ITGA6: variants seen among roughly 807,000 people sequenced by gnomAD.
ITGA6 encodes the protein integrin alpha-6.
Under a neutral mutation model 133.6 loss-of-function variants are expected in ITGA6, and 63 were observed. The ratio of observed to expected loss-of-function variants is 0.47; its 90% CI spans 0.38 to 0.58. The LOEUF is 0.58. Among genes scored for constraint, ITGA6 ranks in the 20% least tolerant of loss-of-function variants. The probability of loss-of-function intolerance (pLI) is 0.00; values close to 1 mark genes in which losing one functional copy is unlikely to be tolerated. For missense variants in ITGA6, 1,068 were observed against 1,309.4 expected (o/e 0.82, Z 2.85); for synonymous variants, 434 against 482.0 (o/e 0.90, Z 1.30).
rs1032342712 is a variant in ITGA6 at position 172,427,656 on chromosome 2, G to A, written c.-133G>A. 7.6e-7 allele frequency: 1 copy of A among 1,313,800 alleles called. No homozygotes were observed. The highest frequency in any genetic ancestry group is 2.2e-5 in the South Asian group (1 of 45,116). The allele number at this position is 1,313,800 out of a possible 1,614,324, so 81.4% of individuals were successfully genotyped here. ...CCGGACGGAGAGCGCGACCCGTCCC[G>A]GGGGTGGGGCCGGGCGCAGCGGCGA... On this transcript the variant is annotated 5_prime_UTR_variant, in exon 1 of 26. Transcript: ENST00000684293.
At chr2:172,443,650 A>G (rs1044870168) in intron 1 of ITGA6, among the ~76,000 whole-genome samples, 13 of 152,224 alleles carry the variant, frequency 8.5e-5, no homozygotes, top group Admixed American at 2.6e-4. Context: ...TTTGTGTCCT[A>G]GCTGTACTTT....
At chr2:172,431,443 A>G (rs1684102418) in intron 1 of ITGA6, among the ~76,000 whole-genome samples, 1 of 152,220 alleles carries the variant, frequency 6.6e-6, no homozygotes, top group African/African-American at 2.4e-5. Flanking sequence ...TGCATAGGTC[A>G]GGGCTATCTA....
intron 1 of ITGA6, among the ~76,000 whole-genome samples, chr2:172,462,303 C>T (rs1685460274): frequency 1.3e-5 from 2 of 152,156 alleles, no homozygotes; most frequent in African/African-American, 4.8e-5. Context: ...CTGCTTCCTC[C>T]ATCCCCTGTG....
At chr2:172,428,014 G>C in intron 1 of ITGA6, 44 bp downstream of exon 1, 1 of 1,572,780 alleles carries the variant, frequency 6.4e-7, no homozygotes, top group East Asian at 2.5e-5. Context: ...GCGCCGGCCT[G>C]CGCGCGAGTT....
At chr2:172,467,598 A>G in intron 3 of ITGA6, 38 bp downstream of exon 3, 1 of 1,501,974 alleles carries the variant, frequency 6.7e-7, no homozygotes, top group Non-Finnish European at 9.3e-7. Context: ...ATACTGTTGG[A>G]CTGCTGGTTA....
chr2:172,462,614 G>A (rs903892775), intron 1 of ITGA6, among the ~76,000 whole-genome samples: 1 of 152,132 alleles, frequency 6.6e-6, no homozygotes, highest in South Asian at 2.1e-4. Flanking sequence ...CAACAAATTC[G>A]AGTTAAATGC....
In ITGA6 at chr2:172,474,914, T is replaced by G. The variant is rs1297879900; in HGVS notation, c.987-15T>G. 7.3e-7 allele frequency: 1 copy of G among 1,370,598 alleles called. No individual in the cohort carries two copies. The highest frequency in any genetic ancestry group is 1.0e-6 in the Non-Finnish European group (1 of 958,078). 84.9% of individuals were successfully genotyped at this position (1,370,598 alleles called of 1,614,324 possible). On this transcript the variant is annotated splice_polypyrimidine_tract_variant and intron_variant, in intron 6 of 25. Coordinates refer to ENST00000684293, the MANE Select transcript of ITGA6 (RefSeq NM_000210.4). ...GCTGTTGGTTCACGGCTCTTTCCCC[T>G]CATTATGTTTTTAGGTGGCAAGATA...
At chr2:172,443,554 C>T (rs1233212714) in intron 1 of ITGA6, among the ~76,000 whole-genome samples, 2 of 152,180 alleles carry the variant, frequency 1.3e-5, no homozygotes, top group African/African-American at 2.4e-5. Context: ...CCACAGGCTA[C>T]GCTATCAGTG....
At chr2:172,475,893 T>C (rs2149049894) in intron 8 of ITGA6, among the ~76,000 whole-genome samples, 1 of 152,352 alleles carries the variant, frequency 6.6e-6, no homozygotes, top group Middle Eastern at 3.4e-3. Flanking sequence ...TAAAATTTCT[T>C]AGATAAGTTA....
chr2:172,488,460 G>C (rs1240106732), intron 19 of ITGA6, among the ~76,000 whole-genome samples: 1 of 152,168 alleles, frequency 6.6e-6, no homozygotes, highest in Non-Finnish European at 1.5e-5. Context: ...TTTAGAATGC[G>C]TTATGATTTA....
chr2:172,471,883 T>C (rs913606537), intron 5 of ITGA6, among the ~76,000 whole-genome samples: 1 of 136,344 alleles, frequency 7.3e-6, no homozygotes, highest in Admixed American at 7.3e-5. Context: ...TAAACCCAAA[T>C]AGTAACCTGT....
Position 172,467,481 on chromosome 2 carries a change from C to T in ITGA6, c.308C>T (p.Ala103Val). 1 of 1,612,732 alleles carries T rather than the reference C, an allele frequency of 6.2e-7. No individual in the cohort carries two copies. The highest frequency in any genetic ancestry group is 8.5e-7 in the Non-Finnish European group (1 of 1,178,918). The change falls in exon 3 of 26, where the codon GCT becomes GTT. Residue 103 changes from alanine to valine, a missense_variant and splice_region_variant. Physicochemically the swap from Ala to Val is moderately conservative, Grantham distance 64. This residue lies in a region of ITGA6 where 142 missense variants were observed against 145.3 expected (regional missense o/e 0.98). Transcript: ENST00000684293. ...PCTRIEFDNDADPTSESKEDQ... is the reference protein window; with the variant it reads ...PCTRIEFDNDVDPTSESKEDQ... The stretch of plus-strand genomic sequence containing the variant: ...AGGCTAACTATGCTCCTTTCTACAG[C>T]TGACCCCACGTCAGAAAGCAAGGAA...
intron 11 of ITGA6, among the ~76,000 whole-genome samples, chr2:172,480,284 C>T (rs2149057141): frequency 6.6e-6 from 1 of 152,266 alleles, no homozygotes; most frequent in Admixed American, 6.5e-5. Flanking sequence ...TGGTTTAGGA[C>T]AGAATGGCTT....
Position 172,487,730 on chromosome 2 carries a change from C to G in ITGA6, c.2247C>G (p.Val749=), listed in dbSNP as rs61748247. The G allele has an allele frequency of 8.6e-3, 13,925 of 1,609,952 alleles. 84 individuals are homozygous for G. The highest frequency in any genetic ancestry group is 0.017 in the Middle Eastern group (105 of 6,060). Reference sequence around the variant, plus strand: ...AACAGCTATTTATGTTTTTTTAGGTCACTTTTTATTTGGTTTTAAGTACAA... The same window carrying G: ...AACAGCTATTTATGTTTTTTTAGGTGACTTTTTATTTGGTTTTAAGTACAA... ...LGNPFKRNSN[V]TFYLVLSTTE... is the part of the protein sequence containing the mutation. The change falls in exon 17 of 26, where the codon GTC becomes GTG. Residue 749 remains valine (V), a splice_region_variant and synonymous_variant. Coordinates refer to ENST00000684293, the MANE Select transcript of ITGA6 (RefSeq NM_000210.4).
At position 172,505,063 on chromosome 2, in the gene ITGA6, CAG is replaced by C. The variant is rs1207283835; in HGVS notation, c.*1002_*1003del. 2.6e-5 allele frequency: 4 copies of C among 152,662 alleles called. No homozygotes were observed. The highest frequency in any genetic ancestry group is 4.1e-4 in the South Asian group (2 of 4,824). The allele number at this position is 152,662 out of a possible 1,614,324, so 9.5% of individuals were successfully genotyped here. ...AAAAAGAAAATCTTTATAAATGTAC[CAG>C]AGAGAGTTGTTTTAATAACTTATCT... is the stretch of plus-strand genomic sequence containing the variant. On this transcript the variant is annotated 3_prime_UTR_variant, in exon 26 of 26. Coordinates refer to ENST00000684293, the MANE Select transcript of ITGA6 (RefSeq NM_000210.4).
At position 172,469,338 on chromosome 2, in the gene ITGA6, C is replaced by T. The variant is rs755733951; in HGVS notation, c.601C>T (p.His201Tyr). 3 of 1,614,026 alleles carry T rather than the reference C, an allele frequency of 1.9e-6. No individual in the cohort carries two copies. The highest frequency in any genetic ancestry group is 1.3e-5 in the African/African-American group (1 of 75,016). The change falls in exon 4 of 26, where the codon CAT becomes TAT. Residue 201 changes from histidine to tyrosine, a missense_variant. Physicochemically the swap from His to Tyr is moderately conservative, Grantham distance 83. Transcript: ENST00000684293. ...AGCAGCTACTTTTACTAAAGACTTT[C>T]ATTACATTGTATTTGGAGCCCCGGG... Reference protein sequence around the residue: ...GVAATFTKDFHYIVFGAPGTY... With the variant: ...GVAATFTKDFYYIVFGAPGTY...
rs1685906635 is a variant in ITGA6, at chr2:172,470,959, A to C, written c.644-15A>C. 1 of 1,613,088 alleles carries C rather than the reference A, an allele frequency of 6.2e-7. No individual in the cohort carries two copies. Among genetic ancestry groups the C allele is most frequent in the Non-Finnish European group, 8.5e-7 (1 of 1,179,396 alleles). ...TCTTCATTTTTTTGTTGTTTTTACC[A>C]TTTCATTCCTTTAGGGATTGTTCGT... On this transcript the variant is annotated splice_polypyrimidine_tract_variant and intron_variant, in intron 4 of 25. Transcript: ENST00000684293.
chr2:172,469,489 A>T (rs1685825514), intron 4 of ITGA6, 109 bp downstream of exon 4: 8 of 995,230 alleles, frequency 8.0e-6, no homozygotes, highest in Non-Finnish European at 1.2e-5. Flanking sequence ...ATATTATAAA[A>T]GTTGGGTAGG....
rs530416908 is a variant in ITGA6, at chr2:172,444,851, C to T, written c.182+16881C>T. Among the ~76,000 whole-genome samples, 20 of 151,930 alleles carry T rather than the reference C, an allele frequency of 1.3e-4. No individual in the cohort carries two copies. The South Asian group carries it at 3.6e-3, about 27-fold the overall frequency. ...CCGTGCTATGGCCACCATCTGTGCT[C>T]GCTAATTGGTTCCCAAGCCATACTG... On this transcript the variant is annotated intron_variant, in intron 1 of 25. Transcript: ENST00000684293.
Sources: gnomAD v4.1 joint callset for allele counts (sites outside exome capture counted in the v4.1 genomes callset) on GRCh38, gnomAD v4.1.1 for gene constraint, gnomAD v4.1.1 regional missense constraint, MANE v1.5 for transcripts, NCBI Gene and HGNC (gene_info 2026-07-23, HGNC 2026-07-21) for gene names.